The following GPHN variants were observed in gnomAD, a reference collection of about 807,000 sequenced individuals.
The protein encoded by GPHN is gephyrin.
In GPHN, 17 loss-of-function variants were observed where a neutral mutation model predicts 95.5. The ratio of observed to expected loss-of-function variants is 0.18; its 90% CI spans 0.12 to 0.27. The LOEUF is 0.27. GPHN is among the 10% of genes least tolerant of loss of function. The probability of loss-of-function intolerance (pLI) is 1.00; values close to 1 mark genes in which losing one functional copy is unlikely to be tolerated. For missense variants in GPHN, 660 were observed against 978.1 expected (o/e 0.67, Z 4.34); for synonymous variants, 320 against 322.5 (o/e 0.99, Z 0.08).
the GPHN span, among the ~76,000 whole-genome samples, chr14:67,417,540 C>T: frequency 6.7e-6 from 1 of 148,746 alleles, no homozygotes; most frequent in African/African-American, 2.5e-5. Context: ...TAAGCAATCC[C>T]CCTACCTCAG....
chr14:67,488,333 T>C, the GPHN span, among the ~76,000 whole-genome samples: 1 of 151,980 alleles, frequency 6.6e-6, no homozygotes, highest in South Asian at 2.1e-4. Flanking sequence ...AGGGCAGGAG[T>C]GGGGGAACTG....
chr14:66,519,867 G>T (rs1322528177), intron 1 of GPHN, among the ~76,000 whole-genome samples: 2 of 152,124 alleles, frequency 1.3e-5, no homozygotes, highest in African/African-American at 4.8e-5. Context: ...TGTTAGTGTT[G>T]TCACCATTTT....
chr14:66,624,960 C>T (rs2063462344), intron 1 of GPHN, among the ~76,000 whole-genome samples: 1 of 152,190 alleles, frequency 6.6e-6, no homozygotes, highest in African/African-American at 2.4e-5. Flanking sequence ...TTTGGAAGGG[C>T]TGGGTCACTC....
intron 9 of GPHN, among the ~76,000 whole-genome samples, chr14:66,966,854 A>G (rs1333928710): frequency 6.6e-6 from 1 of 151,964 alleles, no homozygotes; most frequent in Non-Finnish European, 1.5e-5. Context: ...GTAGTTCTTG[A>G]GTATTTTTAT....
chr14:67,000,044 TGACTA>T (rs2072108562), intron 9 of GPHN, among the ~76,000 whole-genome samples: 1 of 151,860 alleles, frequency 6.6e-6, no homozygotes. Flanking sequence ...TATTTCCTGT[TGACTA>T]GACAGGGACT....
intron 17 of GPHN, among the ~76,000 whole-genome samples, chr14:67,129,850 AAGGAAGGCGGAGGGAGGG>A (rs1157931313): frequency 6.6e-6 from 1 of 150,854 alleles, no homozygotes; most frequent in African/African-American, 2.4e-5. Context: ...GGAAGGAAGG[AAGGAAGGCGGAGGGAGGG>A]AGGAAGGCAG....
the GPHN span, chr14:67,725,919 G>C: frequency 1.3e-6 from 1 of 751,578 alleles, no homozygotes; most frequent in South Asian, 1.4e-5. Flanking sequence ...GGCAGAGCAA[G>C]TGACTCCTAT....
the GPHN span, chr14:67,292,474 A>G: frequency 3.6e-6 from 5 of 1,383,708 alleles, no homozygotes; most frequent in African/African-American, 1.4e-5. Flanking sequence ...TAATACTGAA[A>G]CAGTTAATTT....
At chr14:67,137,752 G>GAGA (rs905249369) in intron 17 of GPHN, among the ~76,000 whole-genome samples, 4 of 152,020 alleles carry the variant, frequency 2.6e-5, no homozygotes, top group African/African-American at 9.7e-5. Flanking sequence ...GTGATAGAGT[G>GAGA]AGACCCTGTC....
the GPHN span, among the ~76,000 whole-genome samples, chr14:67,398,676 C>CCCTTCTCTTTA: frequency 6.6e-6 from 1 of 152,138 alleles, no homozygotes; most frequent in African/African-American, 2.4e-5. Flanking sequence ...ACCTAAACTA[C>CCCTTCTCTTTA]TTCCCGAGTG....
the GPHN span, among the ~76,000 whole-genome samples, chr14:67,399,229 A>C: frequency 1.1e-4 from 16 of 147,294 alleles, no homozygotes; most frequent in African/African-American, 3.1e-4. Flanking sequence ...AGAGAAGGGT[A>C]GTTTAGGTGG....
intron 1 of GPHN, among the ~76,000 whole-genome samples, chr14:66,591,509 A>C (rs1306961769): frequency 6.9e-6 from 1 of 144,458 alleles, no homozygotes. Context: ...CTATACATCA[A>C]TAATAGAGAA....
chr14:67,722,445 G>A, the GPHN span: 5 of 660,390 alleles, frequency 7.6e-6, no homozygotes, highest in Admixed American at 2.2e-5. Context: ...CCAGCAGGCT[G>A]TGCTCTGACA....
At chr14:67,016,798 C>G (rs981468489) in intron 9 of GPHN, among the ~76,000 whole-genome samples, 8 of 152,130 alleles carry the variant, frequency 5.3e-5, no homozygotes, top group African/African-American at 1.9e-4. Flanking sequence ...TTATTTGTCA[C>G]TGATTCCTAG....
intron 7 of GPHN, 75 bp from the exon 8 acceptor site, chr14:66,924,119 T>G (rs2066354704): frequency 1.2e-6 from 1 of 834,070 alleles, no homozygotes; most frequent in Non-Finnish European, 2.1e-6. Context: ...CCTTTTTTCC[T>G]TTTTAGTCAT....
the GPHN span, among the ~76,000 whole-genome samples, chr14:67,280,869 C>G: frequency 7.4e-6 from 1 of 134,338 alleles, no homozygotes. Flanking sequence ...CCCTCCCTCC[C>G]TCCCTCCCTC....
At chr14:67,666,691 C>T in the GPHN span, among the ~76,000 whole-genome samples, 5 of 152,184 alleles carry the variant, frequency 3.3e-5, no homozygotes, top group Admixed American at 3.3e-4. Flanking sequence ...TCTAGTCTAA[C>T]TTCCTGCCTT....
Position 66,827,249 on chromosome 14 carries a change from A to G in GPHN, c.294+2683A>G, listed in dbSNP as rs113597185. Among the ~76,000 whole-genome samples, 463 of 150,994 alleles carry G rather than the reference A, an allele frequency of 3.1e-3. 10 individuals carry two copies. The highest frequency in any genetic ancestry group is 0.011 in the African/African-American group (438 of 41,084). Reference sequence around the variant, plus strand: ...CGGCGAGCAGAGATCACAACATTGCACTCCAGCCTGGGTGACAGAGGGAGA... The same window carrying G: ...CGGCGAGCAGAGATCACAACATTGCGCTCCAGCCTGGGTGACAGAGGGAGA... On this transcript the variant is annotated intron_variant, in intron 4 of 22. Transcript: ENST00000478722.
intron 1 of GPHN, among the ~76,000 whole-genome samples, chr14:66,557,211 A>G (rs1370894761): frequency 6.9e-6 from 1 of 145,552 alleles, no homozygotes; most frequent in Non-Finnish European, 1.5e-5. Context: ...TGTCTGAAAT[A>G]GATAGATAGA....
Sources: gnomAD v4.1 joint callset for allele counts (sites outside exome capture counted in the v4.1 genomes callset) on GRCh38, gnomAD v4.1.1 for gene constraint, MANE v1.5 for transcripts, NCBI Gene and HGNC (gene_info 2026-07-23, HGNC 2026-07-21) for gene names.